The following STYXL1 variants were observed in gnomAD, a reference collection of about 807,000 sequenced individuals.
STYXL1 encodes serine/threonine/tyrosine interacting like 1, also known as serine/threonine/tyrosine-interacting-like protein 1.
A neutral mutation model predicts 36.4 loss-of-function variants in STYXL1; 32 were observed. The observed-to-expected ratio is 0.88, with a 90% CI of 0.66 to 1.18. The LOEUF is 1.18. STYXL1 is among the 50% of genes most tolerant of loss of function. STYXL1 has a pLI of 0.00. For synonymous variants in STYXL1, 133 were observed against 144.1 expected (o/e 0.92, Z 0.55); for missense variants, 354 against 394.1 (o/e 0.90, Z 0.86).
At chr7:76,034,270 T>C (rs1554580234) in intron 1 of STYXL1, among the ~76,000 whole-genome samples, 1 of 84,880 alleles carries the variant, frequency 1.2e-5, no homozygotes, top group African/African-American at 2.8e-5. Flanking sequence ...GGCCGGCTAA[T>C]TTTTTTTTAA....
chr7:76,045,514 T>G (rs1419595190), intron 1 of STYXL1: 1 of 152,168 alleles, frequency 6.6e-6, no homozygotes, highest in Non-Finnish European at 1.5e-5. Flanking sequence ...CTGGCCAACA[T>G]GACAAATCCC....
chr7:76,025,119 A>C (rs1473007937), intron 3 of STYXL1, among the ~76,000 whole-genome samples: 2 of 130,596 alleles, frequency 1.5e-5, no homozygotes, highest in African/African-American at 5.7e-5. Flanking sequence ...AGAGGTGGTC[A>C]GATCTAAGAA....
intron 3 of STYXL1, 80 bp from the exon 4 acceptor site, chr7:76,022,072 G>A: frequency 7.1e-6 from 11 of 1,552,318 alleles, no homozygotes; most frequent in Non-Finnish European, 9.5e-6. Flanking sequence ...CTGCATAGCA[G>A]CACTGGGAGG....
chr7:76,034,362 A>G (rs1166262895), intron 1 of STYXL1, among the ~76,000 whole-genome samples: 1 of 152,132 alleles, frequency 6.6e-6, no homozygotes, highest in Non-Finnish European at 1.5e-5. Flanking sequence ...GCTCTGTATC[A>G]AAGTCATCAA....
rs1021898228 is a variant in STYXL1 at position 76,030,674 on chromosome 7, C to A, written c.-4-147G>T. The stretch of plus-strand genomic sequence containing the variant: ...GTAAATGATCAGGAATGCTTCAAAA[C>A]TGTATAGTGAAATATAGTGCGCAGA... On this transcript the variant is annotated intron_variant, in intron 1 of 8. Coordinates refer to ENST00000359697, the MANE Select transcript of STYXL1 (RefSeq NM_001317785.2). The A allele has an allele frequency of 1.8e-5, 11 of 608,808 alleles. No individual in the cohort carries two copies. In the East Asian group the frequency reaches 3.2e-4, roughly 18 times the overall value. The allele number at this position is 608,808 out of a possible 1,614,324, so 37.7% of individuals were successfully genotyped here. A position where few individuals can be genotyped will look rare whatever the true frequency, so the allele number is the denominator to read the frequency against.
chr7:76,047,929 T>A lies in STYXL1; in HGVS notation c.-272A>T. On this transcript the variant is annotated 5_prime_UTR_variant, in exon 1 of 9. Transcript: ENST00000359697. ...GTCCCCCACCGGCCACACAGACGGC[T>A]ACGCTAGAACCCAGCCAAACACCGG... 1 of 1,432,540 alleles carries A rather than the reference T, an allele frequency of 7.0e-7. No homozygotes were observed. The highest frequency in any genetic ancestry group is 9.1e-7 in the Non-Finnish European group (1 of 1,094,734). 88.7% of individuals were successfully genotyped at this position (1,432,540 alleles called of 1,614,324 possible). A position where few individuals can be genotyped will look rare whatever the true frequency, so the allele number is the denominator to read the frequency against.
At chr7:76,038,422 A>ATTCTTTTT (rs35261977) in intron 1 of STYXL1, among the ~76,000 whole-genome samples, 1 of 132,230 alleles carries the variant, frequency 7.6e-6, no homozygotes. Context: ...ATTGAATGAC[A>ATTCTTTTT]TTTTTTTTTT....
At chr7:76,021,718 T>C (rs1794095294) in intron 4 of STYXL1, 133 bp downstream of exon 4, 2 of 711,410 alleles carry the variant, frequency 2.8e-6, no homozygotes, top group Non-Finnish European at 4.9e-6. Flanking sequence ...AAGCTCTTTT[T>C]CTGACGCAAA....
Position 76,046,333 on chromosome 7 carries a change from T to C in STYXL1, c.-5+1329A>G, listed in dbSNP as rs1252618342. 2.0e-3 allele frequency among the ~76,000 whole-genome samples: 30 copies of C among 14,910 alleles called. 1 individual carries two copies. Among genetic ancestry groups the C allele is most frequent in the African/African-American group, 5.6e-3 (23 of 4,100 alleles). The allele number at this position is 14,910 out of a possible 152,430, so 9.8% of individuals were successfully genotyped here. ...GTGTGTGTGTGTGTGTGTGTGTGTG[T>C]GTGTGTGCGCGCGCGCGCGCGCGCG... On this transcript the variant is annotated intron_variant, in intron 1 of 8. Transcript: ENST00000359697.
chr7:76,015,027 G>A (rs1554573442), intron 4 of STYXL1, among the ~76,000 whole-genome samples: 1 of 152,112 alleles, frequency 6.6e-6, no homozygotes, highest in East Asian at 1.9e-4. Flanking sequence ...CAGGAGAATT[G>A]CCTGAGCCCA....
chr7:76,041,443 G>A (rs559339022), intron 1 of STYXL1, among the ~76,000 whole-genome samples: 1 of 152,308 alleles, frequency 6.6e-6, no homozygotes, highest in South Asian at 2.1e-4. Context: ...CAATGTGGTA[G>A]TATTGGGAGG....
At chr7:76,003,022 C>T (rs1585181460) in intron 7 of STYXL1, among the ~76,000 whole-genome samples, 1 of 152,212 alleles carries the variant, frequency 6.6e-6, no homozygotes, top group South Asian at 2.1e-4. Context: ...GCCAGACAGG[C>T]AGGCATGGGG....
chr7:76,012,322 C>G (rs1554572452), intron 5 of STYXL1, among the ~76,000 whole-genome samples: 1 of 152,100 alleles, frequency 6.6e-6, no homozygotes, highest in African/African-American at 2.4e-5. Flanking sequence ...GTCAACCAGG[C>G]TGGAGTACAG....
chr7:76,006,559 C>T (rs373500441), intron 5 of STYXL1, among the ~76,000 whole-genome samples: 1 of 151,938 alleles, frequency 6.6e-6, no homozygotes, highest in East Asian at 1.9e-4. Flanking sequence ...GTCAGGAGAT[C>T]GAGACCATCC....
At chr7:76,011,192 C>T (rs1792513562) in intron 5 of STYXL1, among the ~76,000 whole-genome samples, 1 of 152,140 alleles carries the variant, frequency 6.6e-6, no homozygotes, top group Non-Finnish European at 1.5e-5. Context: ...CCAGCCTGGG[C>T]AACAGAGTGA....
At chr7:76,005,160 A>T in intron 6 of STYXL1, 99 bp downstream of exon 6, 2 of 761,838 alleles carry the variant, frequency 2.6e-6, no homozygotes, top group East Asian at 7.2e-5. Context: ...TAAAACGTAA[A>T]GTGTAATAAT....
chr7:76,028,836 G>T, intron 2 of STYXL1, 133 bp from the exon 3 acceptor site: 1 of 831,508 alleles, frequency 1.2e-6, no homozygotes, highest in Non-Finnish European at 2.0e-6. Context: ...TAAAACTTGA[G>T]ATGTGGGGCT....
intron 1 of STYXL1, among the ~76,000 whole-genome samples, chr7:76,034,761 T>C (rs1795751158): frequency 6.6e-6 from 1 of 152,124 alleles, no homozygotes; most frequent in African/African-American, 2.4e-5. Flanking sequence ...CCATCACCAG[T>C]AACAGAAAGT....
intron 7 of STYXL1, among the ~76,000 whole-genome samples, chr7:76,001,327 C>T (rs1279699198): frequency 6.6e-6 from 1 of 152,218 alleles, no homozygotes. Flanking sequence ...ACAGGACCAT[C>T]GTCATCCCAA....
Sources: gnomAD v4.1 joint callset for allele counts (sites outside exome capture counted in the v4.1 genomes callset) on GRCh38, gnomAD v4.1.1 for gene constraint, MANE v1.5 for transcripts, NCBI Gene and HGNC (gene_info 2026-07-23, HGNC 2026-07-21) for gene names.